MYSM1: variants seen among roughly 807,000 people sequenced by gnomAD.
The protein encoded by MYSM1 is deubiquitinase MYSM1.
Under a neutral mutation model 116.0 loss-of-function variants are expected in MYSM1, and 51 were observed. The ratio of observed to expected loss-of-function variants is 0.44; its 90% CI spans 0.35 to 0.56. MYSM1 has a LOEUF of 0.56. Ranked by LOEUF, MYSM1 falls within the 20% of genes least tolerant of loss-of-function variation. The pLI, the probability that MYSM1 is intolerant of heterozygous loss-of-function variation, is 0.00. For synonymous variants in MYSM1, 313 were observed against 315.2 expected, an observed-to-expected ratio of 0.99 and a Z score of 0.07; for missense variants, 900 against 974.9, an observed-to-expected ratio of 0.92 and a Z score of 1.02.
At chr1:58,697,464 T>G (rs998427485) in intron 1 of MYSM1, among the ~76,000 whole-genome samples, 2 of 152,142 alleles carry the variant, frequency 1.3e-5, no homozygotes, top group Admixed American at 1.3e-4. Flanking sequence ...AGTTGAAGTC[T>G]TAAGAGGGAC....
intron 1 of MYSM1, among the ~76,000 whole-genome samples, chr1:58,696,326 T>G (rs1644973957): frequency 6.6e-6 from 1 of 152,158 alleles, no homozygotes; most frequent in Non-Finnish European, 1.5e-5. Context: ...TCAGCAACAC[T>G]CATACTCTGG....
chr1:58,694,398 G>A (rs952003098), intron 2 of MYSM1, among the ~76,000 whole-genome samples: 4 of 152,016 alleles, frequency 2.6e-5, no homozygotes, highest in African/African-American at 4.8e-5. Flanking sequence ...TGAGGCGGGC[G>A]GATCACGAGG....
At chr1:58,680,303 C>G (rs1644720177) in intron 8 of MYSM1, among the ~76,000 whole-genome samples, 1 of 152,134 alleles carries the variant, frequency 6.6e-6, no homozygotes, top group Non-Finnish European at 1.5e-5. Flanking sequence ...GGTCCCTAAA[C>G]CTCTCCTGAT....
chr1:58,665,607 T>A lies in MYSM1; in HGVS notation c.2056A>T (p.Lys686Ter). ...GGACTAACAATCATCCCAATGAACTTTGCACCTCCTCTGGAGAAGTAACTC... is the reference window on the plus strand; with the variant it reads ...GGACTAACAATCATCCCAATGAACTATGCACCTCCTCTGGAGAAGTAACTC... ...YQSYFSRGGA[K>*]FIGMIVSPYN... Residue 686 changes from lysine to a stop codon, truncating the protein, a stop_gained, in exon 17 of 20, where the codon AAG becomes TAG. Transcript: ENST00000472487. LOFTEE classifies it high-confidence loss of function. 6.4e-7 allele frequency: 1 copy of A among 1,570,330 alleles called. No individual in the cohort carries two copies. The highest frequency in any genetic ancestry group is 8.7e-7 in the Non-Finnish European group (1 of 1,143,354).
At chr1:58,691,603 C>A (rs1025281318) in intron 3 of MYSM1, among the ~76,000 whole-genome samples, 1 of 152,110 alleles carries the variant, frequency 6.6e-6, no homozygotes, top group Non-Finnish European at 1.5e-5. Context: ...CGCAGTGGCT[C>A]ACACCTGTAA....
chr1:58,698,102 A>ATATATATATATATT, intron 1 of MYSM1, among the ~76,000 whole-genome samples: 6 of 7,766 alleles, frequency 7.7e-4, no homozygotes, highest in East Asian at 5.7e-3. Context: ...ATATATATAT[A>ATATATATATATATT]TTTTTTTTTT....
intron 1 of MYSM1, among the ~76,000 whole-genome samples, chr1:58,698,350 T>G (rs1645013697): frequency 6.6e-6 from 1 of 151,490 alleles, no homozygotes; most frequent in African/African-American, 2.4e-5. Context: ...TCTGCCCGCC[T>G]CGGTCTCCCA....
At chr1:58,684,795 TA>T (rs1644802259) in intron 7 of MYSM1, among the ~76,000 whole-genome samples, 1 of 152,276 alleles carries the variant, frequency 6.6e-6, no homozygotes, top group South Asian at 2.1e-4. Context: ...TAATAATTCT[TA>T]AAAGTTTCTA....
intron 11 of MYSM1, among the ~76,000 whole-genome samples, chr1:58,672,500 C>T (rs542750): frequency 0.88 from 133,853 of 152,106 alleles, 58,883 homozygotes; most frequent in East Asian, 0.93. Context: ...ATTGTGAAGA[C>T]TGAGTTAATG....
At chr1:58,671,218 A>C (rs1043593782) in intron 12 of MYSM1, among the ~76,000 whole-genome samples, 1 of 152,188 alleles carries the variant, frequency 6.6e-6, no homozygotes, top group African/African-American at 2.4e-5. Flanking sequence ...ACTAATGCAC[A>C]GGGTTGTCAT....
intron 16 of MYSM1, 25 bp downstream of exon 16, chr1:58,667,013 C>T (rs371843997): frequency 8.8e-6 from 13 of 1,474,164 alleles, no homozygotes; most frequent in African/African-American, 2.8e-5. Context: ...CAACCATTTA[C>T]AGAATATAAA....
At chr1:58,690,525 T>C (rs1310033272) in intron 3 of MYSM1, 108 bp from the exon 4 acceptor site, 17 of 713,756 alleles carry the variant, frequency 2.4e-5, no homozygotes, top group Non-Finnish European at 3.7e-5. Flanking sequence ...TTCCCTTGTC[T>C]TCCCAATTAG....
intron 10 of MYSM1, among the ~76,000 whole-genome samples, chr1:58,673,878 C>G (rs1644603007): frequency 6.6e-6 from 1 of 152,146 alleles, no homozygotes; most frequent in African/African-American, 2.4e-5. Flanking sequence ...AGGGCAGGAG[C>G]ACCAGTAGCA....
intron 12 of MYSM1, among the ~76,000 whole-genome samples, chr1:58,670,202 A>C (rs1312003976): frequency 2.0e-5 from 3 of 152,200 alleles, no homozygotes; most frequent in African/African-American, 7.2e-5. Flanking sequence ...ATAAAGAAAG[A>C]CCTTTAAATT....
intron 1 of MYSM1, chr1:58,699,564 G>A (rs951522542): frequency 2.2e-6 from 2 of 920,100 alleles, no homozygotes; most frequent in African/African-American, 3.6e-5. Flanking sequence ...TGGAAGAAGG[G>A]ATGAAACGAC....
chr1:58,672,577 ATCTC>A (rs1238537451), intron 11 of MYSM1, among the ~76,000 whole-genome samples: 1 of 152,226 alleles, frequency 6.6e-6, no homozygotes, highest in African/African-American at 2.4e-5. Flanking sequence ...AATAAAGTAA[ATCTC>A]TATTCCATTT....
intron 18 of MYSM1, 87 bp downstream of exon 18, chr1:58,661,319 A>G (rs1319467201): frequency 7.4e-7 from 1 of 1,343,880 alleles, no homozygotes; most frequent in Non-Finnish European, 1.1e-6. Context: ...ATACATCACA[A>G]TTTTATATTT....
chr1:58,669,831 G>T (rs1644529353), intron 12 of MYSM1, among the ~76,000 whole-genome samples: 1 of 60,406 alleles, frequency 1.7e-5, no homozygotes. Context: ...GTGAGACCCT[G>T]TCTCCAAAAA....
chr1:58,657,795 T>C lies in MYSM1; in HGVS notation c.*2202A>G, dbSNP rs112306611. On this transcript the variant is annotated 3_prime_UTR_variant, in exon 20 of 20. Coordinates refer to ENST00000472487, the MANE Select transcript of MYSM1 (RefSeq NM_001085487.3). ...AAACTGTGCTCTCAAGGCCCCAAACTCTTGACAAGTATCATCCTTGAGATC... is the reference window on the plus strand; with the variant it reads ...AAACTGTGCTCTCAAGGCCCCAAACCCTTGACAAGTATCATCCTTGAGATC... 2 of 152,248 alleles carry C rather than the reference T, an allele frequency of 1.3e-5. No individual in the cohort carries two copies. The highest frequency in any genetic ancestry group is 4.8e-5 in the African/African-American group (2 of 41,528). The allele number at this position is 152,248 out of a possible 1,614,324, so 9.4% of individuals were successfully genotyped here.
Sources: allele counts gnomAD v4.1 joint callset (sites outside exome capture counted in the v4.1 genomes callset), GRCh38; gene constraint gnomAD v4.1.1; transcripts MANE v1.5; gene names NCBI Gene and HGNC (gene_info 2026-07-23, HGNC 2026-07-21).